RNPEPL1: variants seen among roughly 807,000 people sequenced by gnomAD.
The protein encoded by RNPEPL1 is aminopeptidase RNPEPL1.
A neutral mutation model predicts 69.0 loss-of-function variants in RNPEPL1; 46 were observed. That is an observed-to-expected ratio of 0.67 (90% CI 0.53 to 0.85). RNPEPL1 has a LOEUF of 0.85. RNPEPL1 is among the 40% of genes least tolerant of loss of function. The pLI, the probability that RNPEPL1 is intolerant of heterozygous loss-of-function variation, is 0.00. For missense variants in RNPEPL1, 869 were observed against 992.5 expected, an observed-to-expected ratio of 0.88 and a Z score of 1.67; for synonymous variants, 525 against 454.1, an observed-to-expected ratio of 1.16 and a Z score of -1.98.
intron 1 of RNPEPL1, 93 bp downstream of exon 1, chr2:240,569,207 T>G: frequency 7.7e-7 from 1 of 1,303,612 alleles, no homozygotes; most frequent in South Asian, 1.7e-5. Context: ...GACGCGAATC[T>G]GCGCCCTACA....
chr2:240,575,664 G>A (rs907922142), intron 8 of RNPEPL1, 54 bp downstream of exon 8: 23 of 1,451,014 alleles, frequency 1.6e-5, no homozygotes, highest in African/African-American at 7.0e-5. Context: ...GATGGCAGGC[G>A]GGGCCTCTGC....
rs948971877 is a variant in RNPEPL1 at position 240,579,410 on chromosome 2, T to G, written c.*1518T>G. The G allele has an allele frequency of 6.7e-6, 1 of 149,978 alleles. No homozygotes were observed. Among genetic ancestry groups the G allele is most frequent in the African/African-American group, 2.4e-5 (1 of 40,826 alleles). The allele number at this position is 149,978 out of a possible 1,614,324, so 9.3% of individuals were successfully genotyped here. On this transcript the variant is annotated 3_prime_UTR_variant, in exon 11 of 11. Transcript: ENST00000270357. ...CCTCCAGTGGCGGTGGCAACTCTGG[T>G]CTAGGGTCTGGGGCCGTCTCTACAT...
chr2:240,572,708 T>A, intron 2 of RNPEPL1, 145 bp downstream of exon 2: 1 of 1,079,586 alleles, frequency 9.3e-7, no homozygotes, highest in South Asian at 1.6e-5. Flanking sequence ...CCCTCCCTAC[T>A]CTATGGGAGG....
rs891267746 is a variant in RNPEPL1, at chr2:240,574,699, G to A, written c.1288+71G>A. The stretch of plus-strand genomic sequence containing the variant: ...CTCAAGGCCTCCTTGCCTGCCCTTC[G>A]TGTGTTCTGGCTGTGGCTTCTCTGT... On this transcript the variant is annotated intron_variant, in intron 6 of 10. Transcript: ENST00000270357. 4.5e-5 allele frequency: 57 copies of A among 1,275,296 alleles called. 1 individual carries two copies. Among genetic ancestry groups the A allele is most frequent in the Middle Eastern group, 1.8e-4 (1 of 5,408 alleles). 79.0% of individuals were successfully genotyped at this position (1,275,296 alleles called of 1,614,324 possible).
At position 240,569,016 on chromosome 2, in the gene RNPEPL1, G is replaced by T; in HGVS notation, c.430G>T (p.Asp144Tyr). 1 of 1,509,646 alleles carries T rather than the reference G, an allele frequency of 6.6e-7. No homozygotes were observed. Among genetic ancestry groups the T allele is most frequent in the Non-Finnish European group, 8.8e-7 (1 of 1,136,604 alleles). The allele number at this position is 1,509,646 out of a possible 1,614,324, so 93.5% of individuals were successfully genotyped here. Residue 144 changes from aspartate to tyrosine, a missense_variant, in exon 1 of 11, where the codon GAC becomes TAC. Asp to Tyr is a radical substitution (Grantham distance 160). This residue lies in a region of RNPEPL1 where 259 missense variants were observed against 201.5 expected (regional missense o/e 1.29). Transcript: ENST00000270357. Reference protein sequence around the residue: ...PLAFRVDPFTDYGSSLTVTLP... With the variant: ...PLAFRVDPFTYYGSSLTVTLP... ...GGCCTTCAGGGTGGACCCGTTCACCGACTACGGCTCCTCGCTCACCGTCAC... is the reference window on the plus strand; with the variant it reads ...GGCCTTCAGGGTGGACCCGTTCACCTACTACGGCTCCTCGCTCACCGTCAC...
intron 1 of RNPEPL1, 130 bp from the exon 2 acceptor site, chr2:240,572,293 G>A (rs543991584): frequency 1.3e-4 from 145 of 1,146,034 alleles, no homozygotes; most frequent in Admixed American, 1.5e-4. Context: ...ATTGGCCCTC[G>A]AACCCAGCAA....
intron 1 of RNPEPL1, among the ~76,000 whole-genome samples, chr2:240,569,373 C>A (rs1313401952): frequency 2.0e-5 from 3 of 152,196 alleles, no homozygotes; most frequent in Admixed American, 1.3e-4. Flanking sequence ...GGGACATGAG[C>A]AGCTTCTGTC....
Position 240,577,605 on chromosome 2 carries a change from C to A in RNPEPL1, c.1891C>A (p.Arg631Ser). 1 of 1,572,060 alleles carries A rather than the reference C, an allele frequency of 6.4e-7. No individual in the cohort carries two copies. The highest frequency in any genetic ancestry group is 8.7e-7 in the Non-Finnish European group (1 of 1,151,564). The change falls in exon 11 of 11, where the codon CGC (arginine) becomes AGC (serine). Residue 631 changes from arginine (R) to serine (S), a missense_variant. Coordinates refer to ENST00000270357, the MANE Select transcript of RNPEPL1 (RefSeq NM_018226.6). ...CCGAGTGCCCCTCCTGCAGATGTCACGCATGTACACCATCCCGCTGTACGA... is the reference window on the plus strand; with the variant it reads ...CCGAGTGCCCCTCCTGCAGATGTCAAGCATGTACACCATCCCGCTGTACGA... ...VRRFLESQMS[R>S]MYTIPLYEDL... is the part of the protein sequence containing the mutation.
chr2:240,569,191 C>T, intron 1 of RNPEPL1, 77 bp downstream of exon 1: 1 of 1,348,514 alleles, frequency 7.4e-7, no homozygotes, highest in South Asian at 1.7e-5. Context: ...CACGGCCAGG[C>T]TGAGGGACGC....
intron 2 of RNPEPL1, 136 bp downstream of exon 2, chr2:240,572,699 C>A: frequency 1.7e-6 from 2 of 1,152,080 alleles, no homozygotes; most frequent in Non-Finnish European, 2.4e-6. Flanking sequence ...AGGAGCCCAC[C>A]CTCCCTACTC....
At position 240,581,241 on chromosome 2, in the gene RNPEPL1, G is replaced by A. The variant is rs1311832182; in HGVS notation, c.*3349G>A. On this transcript the variant is annotated 3_prime_UTR_variant, in exon 11 of 11. Coordinates refer to ENST00000270357, the MANE Select transcript of RNPEPL1 (RefSeq NM_018226.6). ...TAATCAAAATCTCAGACCTAAAGAC[G>A]ACTTTTGAAATAAACCATAACATAT... 7 of 152,124 alleles carry A rather than the reference G, an allele frequency of 4.6e-5. No individual in the cohort carries two copies. Among genetic ancestry groups the A allele is most frequent in the African/African-American group, 1.4e-4 (6 of 41,402 alleles). 9.4% of individuals were successfully genotyped at this position (152,124 alleles called of 1,614,324 possible).
intron 1 of RNPEPL1, among the ~76,000 whole-genome samples, chr2:240,572,080 T>C (rs1022052304): frequency 6.6e-6 from 1 of 152,254 alleles, no homozygotes; most frequent in Admixed American, 6.5e-5. Flanking sequence ...AGTTTCCCTA[T>C]GGAAGCTAAG....
In RNPEPL1 at chr2:240,576,971, G is replaced by A. The variant is rs2093039721; in HGVS notation, c.1865G>A (p.Arg622Gln). ...TACTATCCTGACCTCCACAGGGTGCGGCGCTTCCTGGAGAGCCAGGTGCGG... is the reference window on the plus strand; with the variant it reads ...TACTATCCTGACCTCCACAGGGTGCAGCGCTTCCTGGAGAGCCAGGTGCGG... ...NDYYPDLHRV[R>Q]RFLESQMSRM... is the part of the protein sequence containing the mutation. Residue 622 changes from arginine to glutamine, a missense_variant, in exon 10 of 11, where the codon CGG becomes CAG. Transcript: ENST00000270357. 4.3e-6 allele frequency: 7 copies of A among 1,613,084 alleles called. No individual in the cohort carries two copies. The highest frequency in any genetic ancestry group is 1.3e-5 in the African/African-American group (1 of 74,930).
chr2:240,573,507 C>T (rs967063971), intron 3 of RNPEPL1, among the ~76,000 whole-genome samples: 1 of 152,258 alleles, frequency 6.6e-6, no homozygotes, highest in African/African-American at 2.4e-5. Flanking sequence ...AAGGCCCCCG[C>T]ACAGCCTGGC....
intron 2 of RNPEPL1, 145 bp from the exon 3 acceptor site, chr2:240,572,965 G>A: frequency 1.0e-6 from 1 of 1,004,202 alleles, no homozygotes. Flanking sequence ...CAGTTCTTCG[G>A]AGAGAAGTTC....
chr2:240,573,369 C>G, intron 3 of RNPEPL1, 108 bp downstream of exon 3: 1 of 1,310,582 alleles, frequency 7.6e-7, no homozygotes, highest in Non-Finnish European at 1.0e-6. Context: ...CCCCCACTGG[C>G]CTCTGGGTGC....
At chr2:240,576,338 C>T in intron 8 of RNPEPL1, 197 bp from the exon 9 acceptor site, 1 of 603,130 alleles carries the variant, frequency 1.7e-6, no homozygotes, top group Non-Finnish European at 2.9e-6. Flanking sequence ...CTTCCCTGTA[C>T]CCCTTCACAG....
At chr2:240,577,483 C>T (rs1370074038) in intron 10 of RNPEPL1, 116 bp from the exon 11 acceptor site, 4 of 1,183,868 alleles carry the variant, frequency 3.4e-6, no homozygotes, top group Non-Finnish European at 4.8e-6. Flanking sequence ...AGGCCACAGC[C>T]CTAATGATGA....
Position 240,568,505 on chromosome 2 carries a change from C to CCCGCCGCCG in RNPEPL1, c.-73_-65dup, listed in dbSNP as rs1254383479. On this transcript the variant is annotated 5_prime_UTR_variant, in exon 1 of 11. Coordinates refer to ENST00000270357, the MANE Select transcript of RNPEPL1 (RefSeq NM_018226.6). The surrounding 1 kb of genome is among the most constrained non-coding windows in gnomAD (Gnocchi z 6.2). The stretch of plus-strand genomic sequence containing the variant: ...GCGCGACTTCCTGTTGTGCCCGCGC[C>CCCGCCGCCG]CCGCCGCCGCCGCCGCCCGGCGCCC... 1 of 697,288 alleles carries CCCGCCGCCG rather than the reference C, an allele frequency of 1.4e-6. No individual in the cohort carries two copies. Among genetic ancestry groups the CCCGCCGCCG allele is most frequent in the African/African-American group, 2.0e-5 (1 of 51,130 alleles). The allele number at this position is 697,288 out of a possible 1,614,324, so 43.2% of individuals were successfully genotyped here.
Sources: allele counts gnomAD v4.1 joint callset (sites outside exome capture counted in the v4.1 genomes callset), GRCh38; gene constraint gnomAD v4.1.1; regional missense constraint gnomAD v4.1.1; non-coding constraint Gnocchi (gnomAD v3.1); transcripts MANE v1.5; gene names NCBI Gene and HGNC (gene_info 2026-07-23, HGNC 2026-07-21).